ADAMTSL3: variants seen among roughly 807,000 people sequenced by gnomAD.
ADAMTSL3 encodes the protein ADAMTS-like protein 3.
A neutral mutation model predicts 201.7 loss-of-function variants in ADAMTSL3; 128 were observed. The observed-to-expected ratio is 0.63, with a 90% CI of 0.55 to 0.73. The LOEUF is 0.73. Among genes scored for constraint, ADAMTSL3 ranks in the 30% least tolerant of loss-of-function variants. ADAMTSL3 has a pLI of 0.00. For missense variants in ADAMTSL3, 1,990 were observed against 2,119.6 expected (o/e 0.94, Z 1.20); for synonymous variants, 738 against 748.4 (o/e 0.99, Z 0.23).
At chr15:83,712,274 C>T (rs1457521569) in intron 3 of ADAMTSL3, among the ~76,000 whole-genome samples, 1 of 152,170 alleles carries the variant, frequency 6.6e-6, no homozygotes, top group Non-Finnish European at 1.5e-5. Flanking sequence ...TTTCCCCTTC[C>T]CAGTGCTTTC....
intron 7 of ADAMTSL3, among the ~76,000 whole-genome samples, chr15:83,857,024 G>A (rs1463649083): frequency 1.3e-5 from 2 of 151,960 alleles, no homozygotes; most frequent in African/African-American, 4.8e-5. Flanking sequence ...CATCCTAATA[G>A]GTGTGAAGTG....
chr15:84,006,827 T>C (rs1342895369), intron 23 of ADAMTSL3, among the ~76,000 whole-genome samples: 1 of 152,234 alleles, frequency 6.6e-6, no homozygotes, highest in Non-Finnish European at 1.5e-5. Flanking sequence ...TTTACACGTG[T>C]AACGATGCTT....
chr15:83,904,007 C>G (rs1349652157), intron 15 of ADAMTSL3, among the ~76,000 whole-genome samples: 1 of 150,884 alleles, frequency 6.6e-6, no homozygotes, highest in Admixed American at 6.6e-5. Flanking sequence ...CATATTCATT[C>G]CAAGCCTGCC....
At chr15:84,035,076 T>G (rs1406884214) in intron 28 of ADAMTSL3, among the ~76,000 whole-genome samples, 1 of 152,174 alleles carries the variant, frequency 6.6e-6, no homozygotes, top group Non-Finnish European at 1.5e-5. Flanking sequence ...GTATCCTTAG[T>G]GAGCAGCCTC....
At chr15:84,013,200 T>C (rs549345762) in intron 23 of ADAMTSL3, among the ~76,000 whole-genome samples, 5 of 152,320 alleles carry the variant, frequency 3.3e-5, no homozygotes, top group African/African-American at 1.2e-4. Context: ...TGGACAGAAC[T>C]GGACCTGAAG....
intron 3 of ADAMTSL3, among the ~76,000 whole-genome samples, chr15:83,760,724 A>G (rs1478691021): frequency 6.6e-6 from 1 of 152,152 alleles, no homozygotes; most frequent in Non-Finnish European, 1.5e-5. Context: ...TCAAACTTCC[A>G]ACAGTATGTA....
At chr15:83,907,050 C>T (rs888886971) in intron 15 of ADAMTSL3, among the ~76,000 whole-genome samples, 1 of 145,774 alleles carries the variant, frequency 6.9e-6, no homozygotes, top group African/African-American at 2.6e-5. Context: ...GCCGTGATCA[C>T]ACCACTGCAC....
chr15:83,989,935 G>A (rs1454855348), intron 22 of ADAMTSL3, among the ~76,000 whole-genome samples: 1 of 152,220 alleles, frequency 6.6e-6, no homozygotes, highest in Non-Finnish European at 1.5e-5. Flanking sequence ...CTCATAAAGT[G>A]GGAAGTCAGA....
At chr15:83,978,223 G>GT (rs143181708) in intron 20 of ADAMTSL3, among the ~76,000 whole-genome samples, 1 of 152,364 alleles carries the variant, frequency 6.6e-6, no homozygotes, top group Non-Finnish European at 1.5e-5. Flanking sequence ...GTAAAGGCAG[G>GT]ACCCAGTAAG....
intron 15 of ADAMTSL3, among the ~76,000 whole-genome samples, chr15:83,905,717 A>C (rs1362016022): frequency 2.0e-5 from 3 of 152,202 alleles, no homozygotes; most frequent in African/African-American, 4.8e-5. Context: ...TCCAAATTGC[A>C]CATCTCTAAT....
chr15:83,835,291 A>C (rs558809981), intron 6 of ADAMTSL3, among the ~76,000 whole-genome samples: 50 of 152,212 alleles, frequency 3.3e-4, no homozygotes, highest in African/African-American at 1.2e-3. Flanking sequence ...TGAAAGCCAA[A>C]ATTCAGTGGC....
At chr15:83,743,503 G>C (rs1367728895) in intron 3 of ADAMTSL3, among the ~76,000 whole-genome samples, 5 of 135,124 alleles carry the variant, frequency 3.7e-5, no homozygotes, top group African/African-American at 5.6e-5. Flanking sequence ...CTGGGAGACA[G>C]AGCGAGACTC....
At chr15:83,948,935 T>A (rs902438583) in intron 19 of ADAMTSL3, among the ~76,000 whole-genome samples, 3 of 152,140 alleles carry the variant, frequency 2.0e-5, no homozygotes, top group Non-Finnish European at 2.9e-5. Flanking sequence ...TTGAAACAGT[T>A]ATGCAATGTG....
intron 4 of ADAMTSL3, among the ~76,000 whole-genome samples, chr15:83,777,634 C>T (rs1255331819): frequency 6.6e-6 from 1 of 151,976 alleles, no homozygotes; most frequent in Non-Finnish European, 1.5e-5. Flanking sequence ...TCAGCAACCT[C>T]GAGGATTAAA....
chr15:83,839,469 A>C (rs118134155), intron 7 of ADAMTSL3, among the ~76,000 whole-genome samples: 1,859 of 152,294 alleles, frequency 0.012, 25 homozygotes, highest in Non-Finnish European at 0.02. Context: ...GATTAAGTGG[A>C]GCCCTCAAAG....
At chr15:83,861,056 G>C (rs906376120) in intron 8 of ADAMTSL3, among the ~76,000 whole-genome samples, 1 of 152,228 alleles carries the variant, frequency 6.6e-6, no homozygotes, top group Non-Finnish European at 1.5e-5. Context: ...TGCCCACGGA[G>C]CCTTGCTCAT....
chr15:83,964,964 G>A (rs187756679), intron 19 of ADAMTSL3, among the ~76,000 whole-genome samples: 8 of 152,282 alleles, frequency 5.3e-5, no homozygotes, highest in Non-Finnish European at 2.9e-5. Flanking sequence ...TTACAGGCAA[G>A]CAAATGCTGA....
chr15:83,735,195 A>G (rs919006553), intron 3 of ADAMTSL3, among the ~76,000 whole-genome samples: 1 of 152,192 alleles, frequency 6.6e-6, no homozygotes, highest in Non-Finnish European at 1.5e-5. Context: ...GAATAAAGGT[A>G]TCTGATAAAG....
chr15:83,988,877 T>TTATC, intron 22 of ADAMTSL3, 59 bp downstream of exon 22: 1 of 1,064,274 alleles, frequency 9.4e-7, no homozygotes, highest in South Asian at 3.7e-5. Flanking sequence ...TTTTATTTAT[T>TTATC]TATTTATTTA....
Sources: allele counts gnomAD v4.1 joint callset (sites outside exome capture counted in the v4.1 genomes callset), GRCh38; gene constraint gnomAD v4.1.1; transcripts MANE v1.5; gene names NCBI Gene and HGNC (gene_info 2026-07-23, HGNC 2026-07-21).